Variants in PCGF5 observed in about 807,000 individuals in gnomAD.
PCGF5 encodes polycomb group ring finger 5, also known as polycomb group RING finger protein 5.
PCGF5 carries 9 observed loss-of-function variants against 44.3 expected under a neutral mutation model. The ratio of observed to expected loss-of-function variants is 0.20; its 90% CI spans 0.12 to 0.35. The LOEUF is 0.35. Among genes scored for constraint, PCGF5 ranks in the 10% least tolerant of loss-of-function variants. The pLI is 1.00. For missense variants in PCGF5, 146 were observed against 305.3 expected, an observed-to-expected ratio of 0.48 and a Z score of 3.89; for synonymous variants, 95 against 102.5, an observed-to-expected ratio of 0.93 and a Z score of 0.44.
intron 6 of PCGF5, among the ~76,000 whole-genome samples, chr10:91,253,927 G>C (rs1845682879): frequency 6.6e-6 from 1 of 152,002 alleles, no homozygotes; most frequent in Admixed American, 6.6e-5. Context: ...GAATGGGCTT[G>C]GTTGTGTTTC....
In PCGF5 at chr10:91,280,866, A is replaced by G. The variant is rs1319588653; in HGVS notation, c.*2550A>G. On this transcript the variant is annotated 3_prime_UTR_variant, in exon 10 of 10. Coordinates refer to ENST00000336126, the MANE Select transcript of PCGF5 (RefSeq NM_032373.5). ...GGGTGCTTATAAAATGATAAAATGA[A>G]TTCTTTAAATAACCTATAGGAATCA... The G allele has an allele frequency of 6.6e-6, 1 of 152,458 alleles. No individual in the cohort carries two copies. The highest frequency in any genetic ancestry group is 1.5e-5 in the Non-Finnish European group (1 of 67,898). 9.4% of individuals were successfully genotyped at this position (152,458 alleles called of 1,614,324 possible).
intron 3 of PCGF5, among the ~76,000 whole-genome samples, chr10:91,247,569 G>T (rs1437901366): frequency 1.3e-5 from 2 of 151,050 alleles, no homozygotes; most frequent in Non-Finnish European, 2.9e-5. Flanking sequence ...TTGTTGAGCA[G>T]GATGAAGGAG....
intron 1 of PCGF5, among the ~76,000 whole-genome samples, chr10:91,188,734 G>GT (rs1843972940): frequency 2.0e-5 from 3 of 152,156 alleles, no homozygotes; most frequent in Admixed American, 2.0e-4. Flanking sequence ...TATGGAGGTA[G>GT]TAGGTCTTTG....
At chr10:91,194,062 AG>A (rs1468790633) in intron 1 of PCGF5, among the ~76,000 whole-genome samples, 1 of 152,114 alleles carries the variant, frequency 6.6e-6, no homozygotes, top group East Asian at 1.9e-4. Context: ...TCTGTGGTGG[AG>A]GGAGAATTGG....
At chr10:91,214,623 C>A (rs1336826789) in intron 1 of PCGF5, among the ~76,000 whole-genome samples, 2 of 152,148 alleles carry the variant, frequency 1.3e-5, no homozygotes, top group African/African-American at 2.4e-5. Context: ...CCCAGTTGAC[C>A]GGGATAGCAT....
chr10:91,281,903 G>A lies in PCGF5; in HGVS notation c.*3587G>A, dbSNP rs1846462642. On this transcript the variant is annotated 3_prime_UTR_variant, in exon 10 of 10. Transcript: ENST00000336126. ...GAGAAAGAGGTAAACACAACAAATA[G>A]CCTTCCTCTGCATGAAAAGTGAGAG... The A allele has an allele frequency of 6.6e-6, 1 of 152,082 alleles. No homozygotes were observed. Among genetic ancestry groups the A allele is most frequent in the South Asian group, 2.1e-4 (1 of 4,828 alleles). 9.4% of individuals were successfully genotyped at this position (152,082 alleles called of 1,614,324 possible).
upstream of PCGF5, among the ~76,000 whole-genome samples, chr10:91,162,497 A>T (rs984932051): frequency 2.0e-5 from 3 of 151,846 alleles, no homozygotes; most frequent in Non-Finnish European, 2.9e-5. Flanking sequence ...CTGTGGGGGG[A>T]GAAGGTGCCC....
At chr10:91,208,209 C>T (rs1206413915) in intron 1 of PCGF5, among the ~76,000 whole-genome samples, 1 of 152,118 alleles carries the variant, frequency 6.6e-6, no homozygotes, top group Non-Finnish European at 1.5e-5. Flanking sequence ...AAGAAGGATT[C>T]TTCTTTTCCT....
At chr10:91,178,385 C>A (rs1047833242) in intron 1 of PCGF5, among the ~76,000 whole-genome samples, 15 of 144,882 alleles carry the variant, frequency 1.0e-4, no homozygotes, top group African/African-American at 3.9e-4. Context: ...TCTTTCTTTT[C>A]TTTTCTTTTC....
At chr10:91,229,938 A>G (rs1488146096) in intron 2 of PCGF5, among the ~76,000 whole-genome samples, 3 of 152,194 alleles carry the variant, frequency 2.0e-5, no homozygotes, top group Non-Finnish European at 4.4e-5. Context: ...GGCAGAAACT[A>G]GTCATTCATT....
chr10:91,275,052 G>A lies in PCGF5; in HGVS notation c.724-3217G>A, dbSNP rs188015433. 1.4e-3 allele frequency among the ~76,000 whole-genome samples: 209 copies of A among 152,124 alleles called. 1 individual carries two copies. The highest frequency in any genetic ancestry group is 6.8e-3 in the South Asian group (33 of 4,818). ...TCTCAGAGTGGGGATGGCCTTTCAC[G>A]TTGTACCTAAAAAAATTGAATTGAC... On this transcript the variant is annotated intron_variant, in intron 9 of 9. Coordinates refer to ENST00000336126, the MANE Select transcript of PCGF5 (RefSeq NM_032373.5).
intron 1 of PCGF5, among the ~76,000 whole-genome samples, chr10:91,206,251 G>A (rs1378808923): frequency 1.3e-5 from 2 of 152,148 alleles, no homozygotes; most frequent in Non-Finnish European, 2.9e-5. Context: ...GAAAAAGCAG[G>A]TTTGATTAAA....
intron 3 of PCGF5, among the ~76,000 whole-genome samples, chr10:91,247,494 GT>G (rs564653249): frequency 1.2e-3 from 178 of 151,768 alleles, no homozygotes; most frequent in Non-Finnish European, 2.3e-3. Flanking sequence ...GTTGAGAAAG[GT>G]TTTGGGGTTT....
chr10:91,233,357 C>A (rs1845062718), intron 2 of PCGF5, among the ~76,000 whole-genome samples: 1 of 152,104 alleles, frequency 6.6e-6, no homozygotes, highest in South Asian at 2.1e-4. Context: ...CAGACTCTTT[C>A]CTAACCCTGT....
At chr10:91,238,722 T>C (rs1845246422) in intron 2 of PCGF5, among the ~76,000 whole-genome samples, 7 of 150,142 alleles carry the variant, frequency 4.7e-5, no homozygotes, top group Admixed American at 2.7e-4. Context: ...CTTCTCTGTC[T>C]TCTACTTCAA....
intron 8 of PCGF5, among the ~76,000 whole-genome samples, chr10:91,264,996 G>T (rs1846015076): frequency 6.6e-6 from 1 of 152,052 alleles, no homozygotes; most frequent in Non-Finnish European, 1.5e-5. Flanking sequence ...GGACTTAAGG[G>T]TAAGTGAGTT....
intron 6 of PCGF5, among the ~76,000 whole-genome samples, chr10:91,258,504 C>A (rs1015469120): frequency 6.6e-6 from 1 of 152,084 alleles, no homozygotes; most frequent in South Asian, 2.1e-4. Flanking sequence ...GATTTTGGGA[C>A]ATTTCAGATT....
At chr10:91,249,240 G>A (rs1348121321) in intron 5 of PCGF5, among the ~76,000 whole-genome samples, 1 of 151,446 alleles carries the variant, frequency 6.6e-6, no homozygotes, top group Non-Finnish European at 1.5e-5. Flanking sequence ...AAGTATTTCT[G>A]GGTGCTTATG....
At chr10:91,232,607 A>G (rs1215784912) in intron 2 of PCGF5, among the ~76,000 whole-genome samples, 1 of 152,216 alleles carries the variant, frequency 6.6e-6, no homozygotes, top group Non-Finnish European at 1.5e-5. Flanking sequence ...TTCTTAGGTC[A>G]TGGTGACAGG....
Sources: allele counts gnomAD v4.1 joint callset (sites outside exome capture counted in the v4.1 genomes callset), GRCh38; gene constraint gnomAD v4.1.1; transcripts MANE v1.5; gene names NCBI Gene and HGNC (gene_info 2026-07-23, HGNC 2026-07-21).